ZNF254: variants seen among roughly 807,000 people sequenced by gnomAD.
ZNF254 encodes the protein zinc finger protein 254.
In ZNF254, 10 loss-of-function variants were observed where a neutral mutation model predicts 12.4. The observed-to-expected ratio is 0.80, with a 90% CI of 0.50 to 1.36. The LOEUF is 1.36. ZNF254 is among the 40% of genes most tolerant of loss of function. The probability of loss-of-function intolerance (pLI) is 0.00; values close to 1 mark genes in which losing one functional copy is unlikely to be tolerated. For synonymous variants in ZNF254, 305 were observed against 253.4 expected (o/e 1.20, Z -1.93); for missense variants, 996 against 763.9 (o/e 1.30, Z -3.58).
chr19:24,033,759 G>A, intron 1 of ZNF254: 1 of 203,540 alleles, frequency 4.9e-6, no homozygotes, highest in Non-Finnish European at 1.0e-5. Flanking sequence ...CTGGCCGCAA[G>A]ATGGCGGCTG....
At chr19:24,043,908 C>A (rs1189479867) in intron 1 of ZNF254, among the ~76,000 whole-genome samples, 2 of 152,086 alleles carry the variant, frequency 1.3e-5, no homozygotes, top group Non-Finnish European at 2.9e-5. Flanking sequence ...GCTCATAAGT[C>A]CTTTTGAGAT....
At chr19:24,087,011 A>G (rs1972064734), upstream of ZNF254, 3 of 367,380 alleles carry the variant, frequency 8.2e-6, no homozygotes, top group Admixed American at 8.0e-5. Context: ...CTGCCCGATA[A>G]GGCTGCAGCT....
chr19:24,120,561 C>T (rs1260057710), intron 3 of ZNF254, among the ~76,000 whole-genome samples: 2 of 152,036 alleles, frequency 1.3e-5, no homozygotes, highest in Admixed American at 6.6e-5. Context: ...TGTATATTTA[C>T]ATTCAATAGA....
chr19:24,052,659 C>G (rs1448310210), intron 2 of ZNF254, among the ~76,000 whole-genome samples: 1 of 152,112 alleles, frequency 6.6e-6, no homozygotes, highest in Non-Finnish European at 1.5e-5. Context: ...GAGATTGTAA[C>G]GTATCCCTAA....
upstream of ZNF254, among the ~76,000 whole-genome samples, chr19:24,084,131 A>G (rs982687440): frequency 1.3e-5 from 2 of 148,504 alleles, no homozygotes; most frequent in African/African-American, 4.9e-5. Context: ...AATGTGGCAT[A>G]TACCACATTT....
At chr19:24,064,293 A>G (rs1013964779) in intron 2 of ZNF254, among the ~76,000 whole-genome samples, 1 of 152,080 alleles carries the variant, frequency 6.6e-6, no homozygotes, top group African/African-American at 2.4e-5. Flanking sequence ...CACAAAGGAC[A>G]TTGTGACGTA....
At chr19:24,072,105 G>C (rs574648033) in intron 2 of ZNF254, among the ~76,000 whole-genome samples, 1 of 151,696 alleles carries the variant, frequency 6.6e-6, no homozygotes, top group African/African-American at 2.4e-5. Flanking sequence ...CTGTATAAAG[G>C]GGGGATTGTG....
At chr19:24,072,739 A>G (rs1971525734) in intron 2 of ZNF254, among the ~76,000 whole-genome samples, 1 of 152,220 alleles carries the variant, frequency 6.6e-6, no homozygotes, top group African/African-American at 2.4e-5. Flanking sequence ...TTGGCCCAGT[A>G]TCCAAGTAAT....
intron 3 of ZNF254, among the ~76,000 whole-genome samples, chr19:24,125,194 T>C (rs1414332227): frequency 1.3e-5 from 2 of 151,582 alleles, no homozygotes; most frequent in Non-Finnish European, 2.9e-5. Flanking sequence ...TATTCTAGTT[T>C]GTTTGTTGAG....
At chr19:24,041,319 G>A (rs375964738) in intron 1 of ZNF254, among the ~76,000 whole-genome samples, 3 of 152,238 alleles carry the variant, frequency 2.0e-5, no homozygotes, top group African/African-American at 7.2e-5. Flanking sequence ...TGGAGGGAGA[G>A]GCATGAGCGG....
intron 2 of ZNF254, among the ~76,000 whole-genome samples, chr19:24,056,180 C>A (rs1158815515): frequency 2.6e-5 from 4 of 152,114 alleles, no homozygotes; most frequent in Non-Finnish European, 5.9e-5. Flanking sequence ...CTACGGAAGG[C>A]GTTGGGACAT....
intron 3 of ZNF254, among the ~76,000 whole-genome samples, chr19:24,114,982 T>C (rs1177274234): frequency 3.3e-3 from 500 of 152,354 alleles, no homozygotes; most frequent in Middle Eastern, 0.01. Context: ...GAGTTACCAT[T>C]TCACACCAGT....
In ZNF254 at chr19:24,129,659, G is replaced by T. The variant is rs918449871; in HGVS notation, c.*1679G>T. 6.6e-6 allele frequency: 1 copy of T among 151,668 alleles called. No homozygotes were observed. Among genetic ancestry groups the T allele is most frequent in the African/African-American group, 2.4e-5 (1 of 41,322 alleles). The allele number at this position is 151,668 out of a possible 1,614,324, so 9.4% of individuals were successfully genotyped here. On this transcript the variant is annotated 3_prime_UTR_variant, in exon 4 of 4. Transcript: ENST00000357002. ...ACTCTATATAATAATCACATTAGAG[G>T]AAATGAGATATCCATTACCTCTAGC...
intron 1 of ZNF254, among the ~76,000 whole-genome samples, chr19:24,042,736 A>G (rs1970226138): frequency 6.6e-6 from 1 of 152,208 alleles, no homozygotes; most frequent in African/African-American, 2.4e-5. Flanking sequence ...ATGTTTTTTC[A>G]TGATTAGATT....
chr19:24,073,930 A>G (rs1372760593), intron 2 of ZNF254, among the ~76,000 whole-genome samples: 1 of 152,174 alleles, frequency 6.6e-6, no homozygotes, highest in African/African-American at 2.4e-5. Flanking sequence ...GCACCTGAGT[A>G]ATTTGATTCT....
intron 1 of ZNF254, among the ~76,000 whole-genome samples, chr19:24,044,961 G>A (rs1260569857): frequency 6.6e-6 from 1 of 152,210 alleles, no homozygotes; most frequent in Non-Finnish European, 1.5e-5. Flanking sequence ...TTGTCTCTGA[G>A]TCGGAATAAC....
At chr19:24,061,756 G>A (rs1971076922) in intron 2 of ZNF254, among the ~76,000 whole-genome samples, 1 of 152,274 alleles carries the variant, frequency 6.6e-6, no homozygotes, top group Admixed American at 6.5e-5. Flanking sequence ...CAATAGAAGA[G>A]ACACTGTCTC....
intron 3 of ZNF254, among the ~76,000 whole-genome samples, chr19:24,116,491 C>T (rs1384499192): frequency 2.0e-5 from 3 of 152,116 alleles, no homozygotes; most frequent in Admixed American, 6.5e-5. Flanking sequence ...ATTGCATCAG[C>T]TCCTGAGGCT....
At chr19:24,056,609 A>AT (rs1970866585) in intron 2 of ZNF254, among the ~76,000 whole-genome samples, 1 of 152,150 alleles carries the variant, frequency 6.6e-6, no homozygotes, top group Admixed American at 6.5e-5. Flanking sequence ...GCATTGTGAC[A>AT]TATCTTTAAG....
Sources: gnomAD v4.1 joint callset for allele counts (sites outside exome capture counted in the v4.1 genomes callset) on GRCh38, gnomAD v4.1.1 for gene constraint, MANE v1.5 for transcripts, NCBI Gene and HGNC (gene_info 2026-07-23, HGNC 2026-07-21) for gene names.